The following ASB18 variants were observed in gnomAD, a reference collection of about 807,000 sequenced individuals.
The protein encoded by ASB18 is ankyrin repeat and SOCS box protein 18.
A neutral mutation model predicts 33.4 loss-of-function variants in ASB18; 33 were observed. The observed-to-expected ratio is 0.99, with a 90% confidence interval of 0.75 to 1.32. The LOEUF is 1.32. ASB18 is among the 40% of genes most tolerant of loss of function. ASB18 has a pLI of 0.00. For missense variants in ASB18, 694 were observed against 655.5 expected (o/e 1.06, Z -0.64); for synonymous variants, 295 against 307.6 (o/e 0.96, Z 0.43).
rs2060522331 is a variant in ASB18, at chr2:236,223,475, TG to T, written c.597-8610del. ...TTCTTAGACAGGGATAGGGGTGAGG[TG>T]GGGGGAGCTTTAAACTGGATGAGAG... On this transcript the variant is annotated intron_variant, in intron 3 of 5. Coordinates refer to ENST00000409749, the MANE Select transcript of ASB18 (RefSeq NM_212556.4). This position sits in a 1 kb window ranked among gnomAD's most constrained non-coding sequence, Gnocchi z 4.6. Among the ~76,000 whole-genome samples, 2 of 152,200 alleles carry T rather than the reference TG, an allele frequency of 1.3e-5. No homozygotes were observed. The highest frequency in any genetic ancestry group is 2.1e-4 in the South Asian group (1 of 4,820).
intron 1 of ASB18, among the ~76,000 whole-genome samples, chr2:236,246,556 A>G (rs1011906067): frequency 1.3e-5 from 2 of 151,880 alleles, no homozygotes; most frequent in African/African-American, 2.4e-5. Flanking sequence ...CTGCTGGTGC[A>G]TTGGAAAATG....
At chr2:236,242,490 T>C (rs971120919) in intron 1 of ASB18, among the ~76,000 whole-genome samples, 5 of 152,248 alleles carry the variant, frequency 3.3e-5, no homozygotes, top group Non-Finnish European at 7.4e-5. Context: ...TATAAATAGT[T>C]GGGAAAAATC....
In ASB18 at chr2:236,238,030, CG is replaced by C; in HGVS notation, c.329-75del. ...TGGTGGTGGGCGGTGTTCCTTAAGG[CG>C]GAAAGAAAGTGAAGCCGTCTCTTAA... On this transcript the variant is annotated intron_variant, in intron 2 of 5. Coordinates refer to ENST00000409749, the MANE Select transcript of ASB18 (RefSeq NM_212556.4). This position sits in a 1 kb window ranked among gnomAD's most constrained non-coding sequence, Gnocchi z 5.2. 1 of 1,313,656 alleles carries C rather than the reference CG, an allele frequency of 7.6e-7. No individual in the cohort carries two copies. Among genetic ancestry groups the C allele is most frequent in the South Asian group, 1.7e-5 (1 of 60,174 alleles). The allele number at this position is 1,313,656 out of a possible 1,614,324, so 81.4% of individuals were successfully genotyped here.
chr2:236,198,882 C>A (rs1327986152), intron 4 of ASB18, among the ~76,000 whole-genome samples: 1 of 152,074 alleles, frequency 6.6e-6, no homozygotes, highest in East Asian at 1.9e-4. Context: ...TGTCTTATTA[C>A]ACTGGCTAGA....
At chr2:236,199,467 T>TA (rs1310048022) in intron 4 of ASB18, among the ~76,000 whole-genome samples, 1 of 149,408 alleles carries the variant, frequency 6.7e-6, no homozygotes, top group Non-Finnish European at 1.5e-5. Flanking sequence ...TTTGCCTTCA[T>TA]AAAACAGGCC....
In ASB18 at chr2:236,237,817, C is replaced by T. The variant is rs1281130733; in HGVS notation, c.468G>A (p.Leu156=). The T allele has an allele frequency of 2.9e-6, 4 of 1,377,030 alleles. No individual in the cohort carries two copies. The highest frequency in any genetic ancestry group is 3.7e-6 in the Non-Finnish European group (4 of 1,076,198). The allele number at this position is 1,377,030 out of a possible 1,614,324, so 85.3% of individuals were successfully genotyped here. A position where few individuals can be genotyped will look rare whatever the true frequency, so the allele number is the denominator to read the frequency against. The change falls in exon 3 of 6, where the codon CTG becomes CTA. Residue 156 remains leucine, a synonymous_variant. Transcript: ENST00000409749. The surrounding 1 kb of genome is among the most constrained non-coding windows in gnomAD (Gnocchi z 6.2). ...PDASPGGRGA[L]HEACLGGHTA... is the part of the protein sequence containing the mutation. The stretch of plus-strand genomic sequence containing the variant: ...TGTGGCCCCCGAGGCAGGCCTCGTG[C>T]AGGGCGCCGCGGCCGCCGGGGCTGG...
Position 236,237,635 on chromosome 2 carries a change from G to C in ASB18, c.596+54C>G, listed in dbSNP as rs1187697410. ...GTCGGCGGTCTCGTGGGGGGAGGCG[G>C]GCGTCTGGTCTCGGGGCGGGGCGGA... On this transcript the variant is annotated intron_variant, in intron 3 of 5. Coordinates refer to ENST00000409749, the MANE Select transcript of ASB18 (RefSeq NM_212556.4). This position sits in a 1 kb window ranked among gnomAD's most constrained non-coding sequence, Gnocchi z 6.2. The C allele has an allele frequency of 7.6e-7, 1 of 1,313,892 alleles. No individual in the cohort carries two copies. The highest frequency in any genetic ancestry group is 1.6e-5 in the African/African-American group (1 of 63,882). 81.4% of individuals were successfully genotyped at this position (1,313,892 alleles called of 1,614,324 possible). A position where few individuals can be genotyped will look rare whatever the true frequency, so the allele number is the denominator to read the frequency against.
Position 236,237,673 on chromosome 2 carries a change from G to A in ASB18, c.596+16C>T. 1.4e-6 allele frequency: 2 copies of A among 1,420,504 alleles called. No homozygotes were observed. The highest frequency in any genetic ancestry group is 2.9e-5 in the Admixed American group (1 of 34,784). The allele number at this position is 1,420,504 out of a possible 1,614,324, so 88.0% of individuals were successfully genotyped here. A position where few individuals can be genotyped will look rare whatever the true frequency, so the allele number is the denominator to read the frequency against. On this transcript the variant is annotated intron_variant, in intron 3 of 5. Transcript: ENST00000409749. The surrounding 1 kb of genome is among the most constrained non-coding windows in gnomAD (Gnocchi z 6.2). Reference sequence around the variant, plus strand: ...GGGGCGGGGCGGACGCCGCGGGCCTGTCCCGAGGTCCTTACCCGAGCGAGG... The same window carrying A: ...GGGGCGGGGCGGACGCCGCGGGCCTATCCCGAGGTCCTTACCCGAGCGAGG...
At position 236,257,712 on chromosome 2, in the gene ASB18, C is replaced by T. The variant is rs755932745; in HGVS notation, c.205+6429G>A. 6.6e-6 allele frequency among the ~76,000 whole-genome samples: 1 copy of T among 152,236 alleles called. No homozygotes were observed. Among genetic ancestry groups the T allele is most frequent in the Non-Finnish European group, 1.5e-5 (1 of 68,048 alleles). On this transcript the variant is annotated intron_variant, in intron 1 of 5. Transcript: ENST00000409749. The surrounding 1 kb of genome is among the most constrained non-coding windows in gnomAD (Gnocchi z 5.5). Reference sequence around the variant, plus strand: ...AAGCATACCTGCTCCTGCTCTGCTCCTAACTGGCTGTTGACCAGCAAGTGA... The same window carrying T: ...AAGCATACCTGCTCCTGCTCTGCTCTTAACTGGCTGTTGACCAGCAAGTGA...
chr2:236,243,798 AT>A (rs1308005076), intron 1 of ASB18, among the ~76,000 whole-genome samples: 1 of 152,030 alleles, frequency 6.6e-6, no homozygotes. Context: ...AAATAAGCTC[AT>A]TTTTTTCTTG....
In ASB18 at chr2:236,228,748, G is replaced by A. The variant is rs1199323185; in HGVS notation, c.596+8941C>T. On this transcript the variant is annotated intron_variant, in intron 3 of 5. Transcript: ENST00000409749. The surrounding 1 kb of genome is among the most constrained non-coding windows in gnomAD (Gnocchi z 5.1). ...AGGTATGGAGAGAGTACCAAAAAGA[G>A]TTGTCTCAGTAGCAGAAAAAAAAAT... Among the ~76,000 whole-genome samples, 1 of 152,032 alleles carries A rather than the reference G, an allele frequency of 6.6e-6. No individual in the cohort carries two copies. Among genetic ancestry groups the A allele is most frequent in the African/African-American group, 2.4e-5 (1 of 41,382 alleles).
chr2:236,240,552 G>A (rs961807041), intron 2 of ASB18, among the ~76,000 whole-genome samples: 8 of 152,206 alleles, frequency 5.3e-5, no homozygotes, highest in African/African-American at 9.7e-5. Flanking sequence ...AGCTGGTGGC[G>A]GGTGGGGTGC....
rs1330128891 is a variant in ASB18, at chr2:236,249,201, G to C, written c.206-7799C>G. 3.9e-5 allele frequency: 6 copies of C among 152,196 alleles called. No homozygotes were observed. Among genetic ancestry groups the C allele is most frequent in the Non-Finnish European group, 8.8e-5 (6 of 68,042 alleles). The allele number at this position is 152,196 out of a possible 1,614,324, so 9.4% of individuals were successfully genotyped here. A position where few individuals can be genotyped will look rare whatever the true frequency, so the allele number is the denominator to read the frequency against. On this transcript the variant is annotated intron_variant, in intron 1 of 5. Transcript: ENST00000409749. This position sits in a 1 kb window ranked among gnomAD's most constrained non-coding sequence, Gnocchi z 4.6. ...ACTGAGAGTCCCTCTGAGAACTCCA[G>C]AGAGCCCCTGTGCTTTGCTTCCTGG...
chr2:236,206,190 G>GGTT (rs1559327907), intron 4 of ASB18, among the ~76,000 whole-genome samples: 1 of 138,024 alleles, frequency 7.2e-6, no homozygotes. Context: ...AGTTTCTTGG[G>GGTT]TTTTTTTTTT....
chr2:236,234,385 T>C lies in ASB18; in HGVS notation c.596+3304A>G, dbSNP rs192277238. ...TCAGCTCTGATCTAGGCATGGCTGC[T>C]CAGAAATGGGGTATTCTTCAATTTG... On this transcript the variant is annotated intron_variant, in intron 3 of 5. Coordinates refer to ENST00000409749, the MANE Select transcript of ASB18 (RefSeq NM_212556.4). This position sits in a 1 kb window ranked among gnomAD's most constrained non-coding sequence, Gnocchi z 4.1. Among the ~76,000 whole-genome samples, 1 of 152,320 alleles carries C rather than the reference T, an allele frequency of 6.6e-6. No individual in the cohort carries two copies. The highest frequency in any genetic ancestry group is 1.9e-4 in the East Asian group (1 of 5,182).
chr2:236,212,636 T>C (rs189178523), intron 4 of ASB18, among the ~76,000 whole-genome samples: 1 of 152,290 alleles, frequency 6.6e-6, no homozygotes, highest in African/African-American at 2.4e-5. Flanking sequence ...TTTCATTCCT[T>C]TTTTTGGAGA....
rs1015920234 is a variant in ASB18 at position 236,211,347 on chromosome 2, G to A, written c.1101+3015C>T. On this transcript the variant is annotated intron_variant, in intron 4 of 5. Coordinates refer to ENST00000409749, the MANE Select transcript of ASB18 (RefSeq NM_212556.4). This position sits in a 1 kb window ranked among gnomAD's most constrained non-coding sequence, Gnocchi z 5.0. The stretch of plus-strand genomic sequence containing the variant: ...TGGCACTGTCAACACGTGGGCTTCC[G>A]AAGCCGTGACACTACTTTGATTCTC... Among the ~76,000 whole-genome samples the A allele has an allele frequency of 3.3e-5, 5 of 152,320 alleles. No homozygotes were observed. Among genetic ancestry groups the A allele is most frequent in the Admixed American group, 6.5e-5 (1 of 15,296 alleles).
Position 236,229,604 on chromosome 2 carries a change from G to A in ASB18, c.596+8085C>T, listed in dbSNP as rs979073760. Among the ~76,000 whole-genome samples the A allele has an allele frequency of 6.6e-6, 1 of 152,150 alleles. No individual in the cohort carries two copies. Among genetic ancestry groups the A allele is most frequent in the African/African-American group, 2.4e-5 (1 of 41,424 alleles). On this transcript the variant is annotated intron_variant, in intron 3 of 5. Coordinates refer to ENST00000409749, the MANE Select transcript of ASB18 (RefSeq NM_212556.4). This position sits in a 1 kb window ranked among gnomAD's most constrained non-coding sequence, Gnocchi z 5.2. The stretch of plus-strand genomic sequence containing the variant: ...CACCTCTAATCCCAGCACTTTGAGA[G>A]GCCAAGGTGGGCAGATCACCTGAGG...
rs1490690110 is a variant in ASB18 at position 236,248,568 on chromosome 2, G to A, written c.206-7166C>T. On this transcript the variant is annotated intron_variant, in intron 1 of 5. Transcript: ENST00000409749. The surrounding 1 kb of genome is among the most constrained non-coding windows in gnomAD (Gnocchi z 4.9). ...AGATAATGCCACTGCTCTCCAGCCT[G>A]GGCAACAGAGCAAGACTCCGTCTCA... The A allele has an allele frequency of 6.6e-6, 1 of 151,562 alleles. No homozygotes were observed. Among genetic ancestry groups the A allele is most frequent in the East Asian group, 1.9e-4 (1 of 5,168 alleles). The allele number at this position is 151,562 out of a possible 1,614,324, so 9.4% of individuals were successfully genotyped here. A position where few individuals can be genotyped will look rare whatever the true frequency, so the allele number is the denominator to read the frequency against.
Sources: gnomAD v4.1 joint callset for allele counts (sites outside exome capture counted in the v4.1 genomes callset) on GRCh38, gnomAD v4.1.1 for gene constraint, Gnocchi (gnomAD v3.1) non-coding constraint, MANE v1.5 for transcripts, NCBI Gene and HGNC (gene_info 2026-07-23, HGNC 2026-07-21) for gene names.